The following ARPP21 variants were observed in gnomAD, a reference collection of about 807,000 sequenced individuals.
ARPP21 encodes cAMP-regulated phosphoprotein 21.
In ARPP21, 69 loss-of-function variants were observed where a neutral mutation model predicts 113.2. The observed-to-expected ratio is 0.61, with a 90% CI of 0.50 to 0.74. The LOEUF is 0.74. ARPP21 is among the 30% of genes least tolerant of loss of function. The probability of loss-of-function intolerance (pLI) is 0.00; values close to 1 mark genes in which losing one functional copy is unlikely to be tolerated. For synonymous variants in ARPP21, 368 were observed against 375.5 expected (o/e 0.98, Z 0.23); for missense variants, 1,070 against 1,037.4 (o/e 1.03, Z -0.43).
chr3:35,744,377 A>G, intron 19 of ARPP21: 2 of 429,542 alleles, frequency 4.7e-6, no homozygotes, highest in South Asian at 1.7e-5. Context: ...TGCCTTTAGA[A>G]GAAGGCTATT....
intron 19 of ARPP21, among the ~76,000 whole-genome samples, chr3:35,766,714 C>G (rs1180037602): frequency 2.0e-5 from 3 of 152,104 alleles, no homozygotes; most frequent in Admixed American, 2.0e-4. Flanking sequence ...TTTGCCAGAA[C>G]AATAAGTTAT....
rs1559798234 is a variant in ARPP21, at chr3:35,737,751, C to T, written c.1644+389C>T. On this transcript the variant is annotated intron_variant, in intron 16 of 20. Transcript: ENST00000684406. ...GTCTGCAAAGAGTCAATACTGAATT[C>T]TTCATCAATGGGAAGAACAGAAATC... Among the ~76,000 whole-genome samples the T allele has an allele frequency of 2.0e-5, 3 of 152,108 alleles. 1 individual carries two copies. The highest frequency in any genetic ancestry group is 1.3e-4 in the Admixed American group (2 of 15,282).
chr3:35,639,880 A>T lies in ARPP21; in HGVS notation c.-731A>T, dbSNP rs1320604744. 2 of 152,342 alleles carry T rather than the reference A, an allele frequency of 1.3e-5. No individual in the cohort carries two copies. The highest frequency in any genetic ancestry group is 2.9e-5 in the Non-Finnish European group (2 of 68,184). The allele number at this position is 152,342 out of a possible 1,614,324, so 9.4% of individuals were successfully genotyped here. A position where few individuals can be genotyped will look rare whatever the true frequency, so the allele number is the denominator to read the frequency against. On this transcript the variant is annotated 5_prime_UTR_variant, in exon 1 of 21. Coordinates refer to ENST00000684406, the MANE Select transcript of ARPP21 (RefSeq NM_001385562.1). This position sits in a 1 kb window ranked among gnomAD's most constrained non-coding sequence, Gnocchi z 5.0. ...CGGACAGACCAGCGCACAGACTGGCAGCCTGCGAGAGTGGCAGCTTTGAGA... is the reference window on the plus strand; with the variant it reads ...CGGACAGACCAGCGCACAGACTGGCTGCCTGCGAGAGTGGCAGCTTTGAGA...
intron 1 of ARPP21, chr3:35,650,373 T>C (rs935728987): frequency 2.6e-5 from 4 of 152,170 alleles, no homozygotes; most frequent in African/African-American, 9.6e-5. Flanking sequence ...GAAAACTTGA[T>C]GTGTAGGATT....
intron 13 of ARPP21, 50 bp from the exon 14 acceptor site, chr3:35,721,555 C>A: frequency 9.6e-7 from 1 of 1,040,654 alleles, no homozygotes; most frequent in Non-Finnish European, 1.5e-6. Flanking sequence ...CAACACCATG[C>A]ATGTAAGGTA....
At chr3:35,792,148 A>T in intron 19 of ARPP21, 1 of 475,550 alleles carries the variant, frequency 2.1e-6, no homozygotes, top group Non-Finnish European at 3.8e-6. Flanking sequence ...TATTCAATAG[A>T]CCATTCTGCA....
chr3:35,791,771 TG>T (rs1285410750), intron 19 of ARPP21, among the ~76,000 whole-genome samples: 37 of 152,304 alleles, frequency 2.4e-4, no homozygotes, highest in African/African-American at 8.2e-4. Flanking sequence ...CAGAAGCTAG[TG>T]GTGAAACAGA....
intron 20 of ARPP21, among the ~76,000 whole-genome samples, chr3:35,793,141 C>G (rs1322808557): frequency 1.3e-5 from 2 of 152,128 alleles, no homozygotes; most frequent in Admixed American, 1.3e-4. Flanking sequence ...CCTAAAGGAC[C>G]TATTCTAGGG....
At chr3:35,761,757 T>C (rs2095787184) in intron 19 of ARPP21, among the ~76,000 whole-genome samples, 1 of 152,132 alleles carries the variant, frequency 6.6e-6, no homozygotes, top group African/African-American at 2.4e-5. Context: ...TCACCAGTCA[T>C]CTGAAAGCTG....
At chr3:35,676,034 T>C (rs185943897) in intron 1 of ARPP21, among the ~76,000 whole-genome samples, 4 of 152,048 alleles carry the variant, frequency 2.6e-5, no homozygotes, top group African/African-American at 9.6e-5. Flanking sequence ...TTTTAATTTG[T>C]ATTCAGGAAG....
intron 19 of ARPP21, among the ~76,000 whole-genome samples, chr3:35,747,278 C>G (rs2095119142): frequency 6.7e-6 from 1 of 149,798 alleles, no homozygotes; most frequent in Non-Finnish European, 1.5e-5. Flanking sequence ...TCGCTTGAAC[C>G]TGGGAGGTGG....
intron 14 of ARPP21, 34 bp downstream of exon 14, chr3:35,721,868 T>C (rs2093104902): frequency 7.0e-7 from 1 of 1,418,444 alleles, no homozygotes; most frequent in East Asian, 2.5e-5. Context: ...TGTCCTGTGG[T>C]ATTTTTTGGA....
At chr3:35,778,811 C>A (rs1250327261) in intron 19 of ARPP21, among the ~76,000 whole-genome samples, 2 of 152,158 alleles carry the variant, frequency 1.3e-5, no homozygotes, top group African/African-American at 4.8e-5. Context: ...TAATGATACC[C>A]ACTTCACAAA....
chr3:35,653,359 A>G (rs1703307050), intron 1 of ARPP21, among the ~76,000 whole-genome samples: 1 of 152,052 alleles, frequency 6.6e-6, no homozygotes. Context: ...AGAGAATTCA[A>G]TTATCTCATC....
intron 14 of ARPP21, 104 bp downstream of exon 14, chr3:35,721,938 T>C: frequency 1.4e-6 from 1 of 698,908 alleles, no homozygotes; most frequent in Non-Finnish European, 2.4e-6. Context: ...ATAATGATGA[T>C]ATTAATCACA....
chr3:35,777,380 C>T (rs2096403543), intron 19 of ARPP21, among the ~76,000 whole-genome samples: 1 of 152,130 alleles, frequency 6.6e-6, no homozygotes, highest in African/African-American at 2.4e-5. Context: ...AAGTGAAGCT[C>T]AGAGATATCA....
chr3:35,705,795 C>T (rs2088719082), intron 9 of ARPP21, among the ~76,000 whole-genome samples: 1 of 152,114 alleles, frequency 6.6e-6, no homozygotes, highest in East Asian at 1.9e-4. Flanking sequence ...GTTAAAAAAA[C>T]TCTAACTGAT....
chr3:35,747,945 G>A (rs902179243), intron 19 of ARPP21, among the ~76,000 whole-genome samples: 55 of 103,170 alleles, frequency 5.3e-4, no homozygotes, highest in Non-Finnish European at 8.7e-4. Flanking sequence ...AAGAAAGAAA[G>A]AAAAAGAAAG....
rs1559547262 is a variant in ARPP21 at position 35,667,841 on chromosome 3, A to AAGAAGAAG, written c.-212-11945_-212-11944insGAAGAAGA. Among the ~76,000 whole-genome samples the AAGAAGAAG allele has an allele frequency of 1.6e-3, 131 of 81,506 alleles. 5 individuals are homozygous for AAGAAGAAG. The highest frequency in any genetic ancestry group is 4.0e-3 in the East Asian group (9 of 2,258). 53.5% of individuals were successfully genotyped at this position (81,506 alleles called of 152,430 possible). A position where few individuals can be genotyped will look rare whatever the true frequency, so the allele number is the denominator to read the frequency against. ...GATCACCTGCAGTACTTTTATTCTC[A>AAGAAGAAG]AAGAAGAAGAAGAAGAAGAAGAAGA... On this transcript the variant is annotated intron_variant, in intron 1 of 20. Transcript: ENST00000684406.
Sources: allele counts gnomAD v4.1 joint callset (sites outside exome capture counted in the v4.1 genomes callset), GRCh38; gene constraint gnomAD v4.1.1; non-coding constraint Gnocchi (gnomAD v3.1); transcripts MANE v1.5; gene names NCBI Gene and HGNC (gene_info 2026-07-23, HGNC 2026-07-21).